Variants in ANKRD26 observed in about 807,000 individuals in gnomAD.
ANKRD26 encodes the protein ankyrin repeat domain-containing protein 26.
A neutral mutation model predicts 208.7 loss-of-function variants in ANKRD26; 141 were observed. The ratio of observed to expected loss-of-function variants is 0.68; its 90% CI spans 0.59 to 0.78. The LOEUF (loss-of-function observed/expected upper bound fraction) is 0.78. Among genes scored for constraint, ANKRD26 ranks in the 30% least tolerant of loss-of-function variants. The probability of loss-of-function intolerance (pLI) is 0.00; values close to 1 mark genes in which losing one functional copy is unlikely to be tolerated. For synonymous variants in ANKRD26, 636 were observed against 660.4 expected (o/e 0.96, Z 0.57); for missense variants, 1,889 against 1,938.7 (o/e 0.97, Z 0.48).
downstream of ANKRD26, among the ~76,000 whole-genome samples, chr10:26,987,025 C>T (rs2134646933): frequency 6.6e-6 from 1 of 152,260 alleles, no homozygotes; most frequent in South Asian, 2.1e-4. Flanking sequence ...GACTTGGAAC[C>T]AACCCAAATG....
chr10:26,996,362 C>T (rs2052592418), intron 4 of ANKRD26, among the ~76,000 whole-genome samples: 1 of 152,078 alleles, frequency 6.6e-6, no homozygotes, highest in Non-Finnish European at 1.5e-5. Flanking sequence ...GAGATCAAGA[C>T]CATCCTGGCC....
the ANKRD26 span, among the ~76,000 whole-genome samples, chr10:26,961,234 T>C: frequency 6.7e-6 from 1 of 150,118 alleles, no homozygotes; most frequent in Non-Finnish European, 1.5e-5. Flanking sequence ...AAAAAAATCC[T>C]AAGAAGACTT....
rs766853628 is a variant in ANKRD26 at position 27,037,302 on chromosome 10, C to T, written c.2581G>A (p.Ala861Thr). Reference sequence around the variant, plus strand: ...TGTTCTCGAGAAAGTTGCCTCTGAGCGTCATTTCGCTCTTGAACGACCTAG... The same window carrying T: ...TGTTCTCGAGAAAGTTGCCTCTGAGTGTCATTTCGCTCTTGAACGACCTAG... ...LNQVVQERNDAQRQLSREQNA... is the reference protein window; with the variant it reads ...LNQVVQERNDTQRQLSREQNA... Residue 861 changes from alanine (A) to threonine (T), a missense_variant, in exon 23 of 34, where the codon GCT becomes ACT. Ala to Thr is a moderately conservative substitution (Grantham distance 58). Transcript: ENST00000376087. The T allele has an allele frequency of 1.2e-6, 2 of 1,613,790 alleles. No homozygotes were observed. Among genetic ancestry groups the T allele is most frequent in the Non-Finnish European group, 1.7e-6 (2 of 1,179,830 alleles).
intron 21 of ANKRD26, among the ~76,000 whole-genome samples, chr10:27,038,649 T>C (rs191337247): frequency 1.6e-4 from 22 of 134,170 alleles, no homozygotes; most frequent in African/African-American, 6.3e-4. Flanking sequence ...AGATTCCATC[T>C]CAAAAAAAAA....
downstream of ANKRD26, among the ~76,000 whole-genome samples, chr10:26,987,188 C>A (rs563249618): frequency 6.6e-6 from 1 of 152,136 alleles, no homozygotes; most frequent in South Asian, 2.1e-4. Flanking sequence ...GGACAAAAAA[C>A]CAAACACTGC....
chr10:27,062,042 C>T, intron 12 of ANKRD26: 2 of 985,202 alleles, frequency 2.0e-6, no homozygotes, highest in Non-Finnish European at 2.4e-6. Context: ...CAAGTTTCCT[C>T]ATCGTTAACT....
At chr10:27,045,438 A>AG (rs1421400004) in intron 18 of ANKRD26, among the ~76,000 whole-genome samples, 6 of 152,040 alleles carry the variant, frequency 3.9e-5, no homozygotes, top group East Asian at 3.9e-4. Flanking sequence ...AAAAAAAAAA[A>AG]AAAATCCTTA....
chr10:27,042,479 C>T (rs547941163), intron 20 of ANKRD26, among the ~76,000 whole-genome samples: 25 of 152,186 alleles, frequency 1.6e-4, no homozygotes, highest in Middle Eastern at 3.4e-3. Flanking sequence ...GCTGGCAGGG[C>T]GTGGTGGCTC....
At position 27,066,552 on chromosome 10, in the gene ANKRD26, T is replaced by C. The variant is rs2055256122; in HGVS notation, c.1208-4A>G. On this transcript the variant is annotated splice_region_variant and splice_polypyrimidine_tract_variant and intron_variant, in intron 10 of 33. Transcript: ENST00000376087. The stretch of plus-strand genomic sequence containing the variant: ...AATCCTAATGCGGACATCATATCTA[T>C]CAAATGTGATACACAGATATATTCA... 6.3e-7 allele frequency: 1 copy of C among 1,580,716 alleles called. No homozygotes were observed. Among genetic ancestry groups the C allele is most frequent in the South Asian group, 1.1e-5 (1 of 89,180 alleles).
At chr10:27,021,417 G>C (rs897034145) in intron 29 of ANKRD26, among the ~76,000 whole-genome samples, 1 of 152,178 alleles carries the variant, frequency 6.6e-6, no homozygotes, top group African/African-American at 2.4e-5. Context: ...CAATGTCTAA[G>C]AGTTCCCTGT....
chr10:26,986,942 A>T (rs1046704436), downstream of ANKRD26, among the ~76,000 whole-genome samples: 1 of 152,262 alleles, frequency 6.6e-6, no homozygotes, highest in Non-Finnish European at 1.5e-5. Context: ...ATATACCCAA[A>T]GGATTATAAA....
At chr10:27,054,307 G>A (rs971181880) in intron 15 of ANKRD26, among the ~76,000 whole-genome samples, 3 of 152,112 alleles carry the variant, frequency 2.0e-5, no homozygotes, top group Admixed American at 6.6e-5. Flanking sequence ...AAATAAAACC[G>A]GGTACGGTGG....
exon 6 of ANKRD26, among the ~76,000 whole-genome samples, chr10:26,975,473 C>G (rs1298248754): frequency 1.4e-5 from 2 of 140,462 alleles, no homozygotes; most frequent in East Asian, 4.2e-4. Flanking sequence ...GCAGTCCTCT[C>G]ATCTCAGCCT....
At chr10:27,086,422 C>A in intron 5 of ANKRD26, 117 bp downstream of exon 5, 1 of 1,308,010 alleles carries the variant, frequency 7.6e-7, no homozygotes, top group East Asian at 2.5e-5. Context: ...AGAAAAAATA[C>A]ACATGCACCT....
At chr10:27,078,152 A>C (rs917797626) in intron 7 of ANKRD26, among the ~76,000 whole-genome samples, 1 of 152,210 alleles carries the variant, frequency 6.6e-6, no homozygotes, top group Non-Finnish European at 1.5e-5. Flanking sequence ...ATTTTATGAA[A>C]GTGGGTTGGC....
chr10:26,972,234 CAAAAAA>C (rs749010461), downstream of ANKRD26, among the ~76,000 whole-genome samples: 1 of 61,030 alleles, frequency 1.6e-5, no homozygotes, highest in African/African-American at 5.3e-5. Context: ...GACTCCGTCT[CAAAAAA>C]AAAAAAAAAA....
chr10:27,065,744 A>AC (rs1554788547), intron 11 of ANKRD26, among the ~76,000 whole-genome samples: 1 of 149,480 alleles, frequency 6.7e-6, no homozygotes, highest in South Asian at 2.1e-4. Context: ...AAAAAAAAAA[A>AC]CAAAAAAAAC....
exon 6 of ANKRD26, among the ~76,000 whole-genome samples, chr10:26,973,886 A>C: frequency 6.6e-6 from 1 of 151,324 alleles, no homozygotes; most frequent in Non-Finnish European, 1.5e-5. Context: ...CGAACTCTTG[A>C]CCTCAGGTGA....
intron 32 of ANKRD26, among the ~76,000 whole-genome samples, 157 bp from the exon 33 acceptor site, chr10:27,007,119 CTACT>C (rs1401703923): frequency 6.6e-6 from 1 of 152,104 alleles, no homozygotes; most frequent in Non-Finnish European, 1.5e-5. Flanking sequence ...AATAAAATTC[CTACT>C]TGTTTTAAGT....
Sources: gnomAD v4.1 joint callset for allele counts (sites outside exome capture counted in the v4.1 genomes callset) on GRCh38, gnomAD v4.1.1 for gene constraint, MANE v1.5 for transcripts, NCBI Gene and HGNC (gene_info 2026-07-23, HGNC 2026-07-21) for gene names.